SLC6A15: variants seen among roughly 807,000 people sequenced by gnomAD.
SLC6A15 encodes the protein solute carrier family 6 member 15.
A neutral mutation model predicts 68.5 loss-of-function variants in SLC6A15; 33 were observed. The observed-to-expected ratio is 0.48, with a 90% confidence interval of 0.37 to 0.64. SLC6A15 has a LOEUF of 0.64. Ranked by LOEUF, SLC6A15 falls within the 30% of genes least tolerant of loss-of-function variation. The pLI is 0.00. For synonymous variants in SLC6A15, 347 were observed against 301.0 expected (o/e 1.15, Z -1.58); for missense variants, 747 against 874.3 (o/e 0.85, Z 1.84).
At chr12:84,881,973 T>G (rs1871840409) in intron 5 of SLC6A15, 3 of 982,718 alleles carry the variant, frequency 3.1e-6, no homozygotes, top group Non-Finnish European at 3.6e-6. Flanking sequence ...TCCTGAGGCA[T>G]TCTCATTAAA....
intron 1 of SLC6A15, among the ~76,000 whole-genome samples, chr12:84,897,709 A>C (rs1020307201): frequency 1.3e-5 from 2 of 152,142 alleles, no homozygotes; most frequent in Non-Finnish European, 2.9e-5. Flanking sequence ...TTGTATTCCG[A>C]TTATAAAAGC....
At chr12:84,889,923 C>T (rs1260540052) in intron 2 of SLC6A15, among the ~76,000 whole-genome samples, 1 of 108,050 alleles carries the variant, frequency 9.3e-6, no homozygotes, top group African/African-American at 6.4e-5. Flanking sequence ...TATCACTAGG[C>T]AAATAAACTT....
chr12:84,866,068 A>G (rs1871052211), intron 10 of SLC6A15, among the ~76,000 whole-genome samples: 1 of 151,586 alleles, frequency 6.6e-6, no homozygotes, highest in African/African-American at 2.4e-5. Context: ...GGCAACCACA[A>G]AAAACATTCT....
intron 5 of SLC6A15, chr12:84,881,755 G>C (rs1486509352): frequency 2.1e-5 from 19 of 899,528 alleles, no homozygotes; most frequent in Non-Finnish European, 2.5e-5. Context: ...TGTTTATTTG[G>C]AGGCATTTTC....
chr12:84,876,234 A>C (rs76677637), intron 6 of SLC6A15, among the ~76,000 whole-genome samples: 3 of 152,052 alleles, frequency 2.0e-5, no homozygotes, highest in African/African-American at 7.2e-5. Flanking sequence ...CTTAGAAATA[A>C]ATTTATTATA....
intron 5 of SLC6A15, chr12:84,882,548 G>T: frequency 1.3e-6 from 1 of 779,074 alleles, no homozygotes; most frequent in Non-Finnish European, 1.6e-6. Flanking sequence ...AGATGAATTA[G>T]ACAGACTTCT....
At chr12:84,883,138 T>C (rs1871902507) in intron 5 of SLC6A15, 1 of 970,332 alleles carries the variant, frequency 1.0e-6, no homozygotes. Flanking sequence ...TTTAGAACAA[T>C]GGCTGTGATA....
intron 1 of SLC6A15, among the ~76,000 whole-genome samples, chr12:84,897,745 G>C (rs1251733394): frequency 1.3e-5 from 2 of 152,080 alleles, no homozygotes; most frequent in African/African-American, 2.4e-5. Flanking sequence ...CTAAGCATAA[G>C]AGAAATGATG....
chr12:84,902,225 AC>A (rs1440810038), intron 1 of SLC6A15, among the ~76,000 whole-genome samples: 1 of 151,886 alleles, frequency 6.6e-6, no homozygotes, highest in African/African-American at 2.4e-5. Flanking sequence ...AAGGAAGGGA[AC>A]TTTTTTTACA....
intron 1 of SLC6A15, among the ~76,000 whole-genome samples, chr12:84,906,493 G>C (rs1389061841): frequency 6.6e-6 from 1 of 152,094 alleles, no homozygotes; most frequent in Admixed American, 6.5e-5. Flanking sequence ...TTAAACAGAA[G>C]AATGAAGTGG....
chr12:84,890,545 G>A (rs1872338723), intron 2 of SLC6A15, among the ~76,000 whole-genome samples: 1 of 152,320 alleles, frequency 6.6e-6, no homozygotes, highest in Non-Finnish European at 1.5e-5. Flanking sequence ...TAGCTAAGGA[G>A]ATTTTCAGTA....
At chr12:84,884,738 T>G (rs1223809856) in intron 4 of SLC6A15, among the ~76,000 whole-genome samples, 4 of 152,248 alleles carry the variant, frequency 2.6e-5, no homozygotes, top group African/African-American at 7.2e-5. Context: ...ATGGGGCCAA[T>G]CTAAAGTGAC....
chr12:84,910,660 C>G (rs1457748359), intron 1 of SLC6A15, among the ~76,000 whole-genome samples: 1 of 152,128 alleles, frequency 6.6e-6, no homozygotes, highest in Non-Finnish European at 1.5e-5. Flanking sequence ...ACATCCCTAT[C>G]ATATCTTGCT....
intron 1 of SLC6A15, among the ~76,000 whole-genome samples, chr12:84,905,779 A>G (rs1021761035): frequency 5.9e-5 from 9 of 152,304 alleles, no homozygotes; most frequent in African/African-American, 1.7e-4. Context: ...ATCAAGAAAC[A>G]AGAAAAGTCA....
Position 84,876,258 on chromosome 12 carries a change from T to C in SLC6A15, c.867+239A>G, listed in dbSNP as rs189508613. Among the ~76,000 whole-genome samples, 4 of 152,134 alleles carry C rather than the reference T, an allele frequency of 2.6e-5. No individual in the cohort carries two copies. In the East Asian group the frequency reaches 7.7e-4, roughly 29 times the overall value. On this transcript the variant is annotated intron_variant, in intron 6 of 11. Transcript: ENST00000266682. ...AAATTTATTATAAAAGAGAGATTTTTGAAGTTGAAATAGTGGTAGCCTTAC... is the reference window on the plus strand; with the variant it reads ...AAATTTATTATAAAAGAGAGATTTTCGAAGTTGAAATAGTGGTAGCCTTAC...
intron 2 of SLC6A15, among the ~76,000 whole-genome samples, chr12:84,887,719 G>A (rs1872182409): frequency 7.1e-6 from 1 of 140,634 alleles, no homozygotes; most frequent in South Asian, 2.1e-4. Context: ...AGAAAAAAGA[G>A]AGAGAGAAAG....
At chr12:84,881,700 T>C (rs964908192) in intron 5 of SLC6A15, 104 of 935,926 alleles carry the variant, frequency 1.1e-4, no homozygotes, top group Non-Finnish European at 1.2e-4. Flanking sequence ...TGTTTTTCCA[T>C]GTGCTAGCCT....
intron 6 of SLC6A15, among the ~76,000 whole-genome samples, chr12:84,875,592 C>T (rs1871480703): frequency 7.0e-6 from 1 of 143,548 alleles, no homozygotes; most frequent in African/African-American, 2.5e-5. Flanking sequence ...TATCTTTAGA[C>T]AGTTTCATCT....
chr12:84,864,511 C>A (rs537817245), intron 10 of SLC6A15, among the ~76,000 whole-genome samples: 1 of 151,548 alleles, frequency 6.6e-6, no homozygotes, highest in Admixed American at 6.6e-5. Flanking sequence ...GTAGAGATGG[C>A]GTTTCACCAT....
Sources: allele counts gnomAD v4.1 joint callset (sites outside exome capture counted in the v4.1 genomes callset), GRCh38; gene constraint gnomAD v4.1.1; transcripts MANE v1.5; gene names NCBI Gene and HGNC (gene_info 2026-07-23, HGNC 2026-07-21).